The following UTRN variants were observed in gnomAD, a reference collection of about 807,000 sequenced individuals.
The protein encoded by UTRN is dystrophin-related protein 1.
UTRN carries 283 observed loss-of-function variants against 463.9 expected under a neutral mutation model. That is an observed-to-expected ratio of 0.61 (90% CI 0.55 to 0.67). UTRN has a LOEUF of 0.67. Ranked by LOEUF, UTRN falls within the 30% of genes least tolerant of loss-of-function variation. UTRN has a pLI of 0.00. For missense variants in UTRN, 3,922 were observed against 4,084.3 expected (o/e 0.96, Z 1.08); for synonymous variants, 1,442 against 1,431.5 (o/e 1.01, Z -0.17).
chr6:144,669,558 T>G (rs1249398185), intron 51 of UTRN, among the ~76,000 whole-genome samples: 1 of 152,186 alleles, frequency 6.6e-6, no homozygotes, highest in South Asian at 2.1e-4. Flanking sequence ...TAAGTCTTCT[T>G]AAGTTAGATA....
At position 144,720,516 on chromosome 6, in the gene UTRN, C is replaced by T. The variant is rs559993495; in HGVS notation, c.7810-9841C>T. ...AAGTGAATTCAGGCTCTTAGACATT[C>T]TGTTGAGAATGGAAACTGTGATTTT... On this transcript the variant is annotated intron_variant, in intron 53 of 74. Coordinates refer to ENST00000367545, the MANE Select transcript of UTRN (RefSeq NM_007124.3). Among the ~76,000 whole-genome samples, 5 of 152,312 alleles carry T rather than the reference C, an allele frequency of 3.3e-5. No homozygotes were observed. In the South Asian group the frequency reaches 8.3e-4, roughly 25 times the overall value.
At chr6:144,794,076 C>G (rs1462054816) in intron 63 of UTRN, 85 bp downstream of exon 63, 4 of 1,525,672 alleles carry the variant, frequency 2.6e-6, no homozygotes, top group Non-Finnish European at 3.5e-6. Flanking sequence ...GGAACTCGGG[C>G]TGGAGCCAAA....
intron 25 of UTRN, among the ~76,000 whole-genome samples, chr6:144,477,810 A>G (rs1791393274): frequency 6.6e-6 from 1 of 152,194 alleles, no homozygotes; most frequent in Non-Finnish European, 1.5e-5. Flanking sequence ...TTGAGGAAAT[A>G]GAAAATGGTT....
chr6:144,447,274 T>A lies in UTRN; in HGVS notation c.1678T>A (p.Phe560Ile). ...TTTAAATAAAGTCCAGACAAGCAACTTCAAAGACCAAAAGGAACTAAGTGT... is the reference window on the plus strand; with the variant it reads ...TTTAAATAAAGTCCAGACAAGCAACATCAAAGACCAAAAGGAACTAAGTGT... The part of the protein sequence containing the change: ...EALNKVQTSN[F>I]KDQKELSVSV... Residue 560 changes from phenylalanine (F) to isoleucine (I), a missense_variant, in exon 15 of 75, where the codon TTC becomes ATC. Transcript: ENST00000367545. The A allele has an allele frequency of 1.2e-6, 2 of 1,613,966 alleles. No homozygotes were observed. The highest frequency in any genetic ancestry group is 1.7e-6 in the Non-Finnish European group (2 of 1,179,894).
chr6:144,730,256 T>A, intron 53 of UTRN, 101 bp from the exon 54 acceptor site: 1 of 1,275,366 alleles, frequency 7.8e-7, no homozygotes, highest in Non-Finnish European at 1.0e-6. Flanking sequence ...CTATTAGTCA[T>A]TTTCTTGCTA....
At position 144,655,322 on chromosome 6, in the gene UTRN, G is replaced by C. The variant is rs530827842; in HGVS notation, c.7480-23084G>C. Among the ~76,000 whole-genome samples the C allele has an allele frequency of 2.0e-5, 3 of 152,322 alleles. No homozygotes were observed. The South Asian group carries it at 6.2e-4, about 32-fold the overall frequency. On this transcript the variant is annotated intron_variant, in intron 51 of 74. Coordinates refer to ENST00000367545, the MANE Select transcript of UTRN (RefSeq NM_007124.3). ...TGTATGGACTGGTCTCTCCCTAATG[G>C]AACTTCAGTGGTAGAAGACAATGAA... is the stretch of plus-strand genomic sequence containing the variant.
At chr6:144,796,722 G>GGCAAA (rs1171686775) in intron 63 of UTRN, among the ~76,000 whole-genome samples, 11 of 152,036 alleles carry the variant, frequency 7.2e-5, no homozygotes, top group Non-Finnish European at 1.6e-4. Context: ...CAGATATTTT[G>GGCAAA]GCAAAGCATA....
intron 15 of UTRN, 80 bp from the exon 16 acceptor site, chr6:144,447,522 A>G: frequency 2.7e-6 from 4 of 1,507,038 alleles, no homozygotes; most frequent in Non-Finnish European, 2.7e-6. Flanking sequence ...TAAAAGATAC[A>G]TGTTTAAAAT....
chr6:144,719,075 G>A (rs1349618843), intron 53 of UTRN, among the ~76,000 whole-genome samples: 1 of 152,202 alleles, frequency 6.6e-6, no homozygotes, highest in East Asian at 1.9e-4. Flanking sequence ...TCCTTCTACT[G>A]CAGAGTTGCT....
At position 144,444,356 on chromosome 6, in the gene UTRN, T is replaced by C; in HGVS notation, c.1588T>C (p.Leu530=). The C allele has an allele frequency of 1.2e-6, 2 of 1,609,792 alleles. No homozygotes were observed. The highest frequency in any genetic ancestry group is 1.7e-6 in the Non-Finnish European group (2 of 1,177,462). The change falls in exon 14 of 75, where the codon TTG becomes CTG. Residue 530 remains leucine, a synonymous_variant. Coordinates refer to ENST00000367545, the MANE Select transcript of UTRN (RefSeq NM_007124.3). ...GAATAGGTTACAAGAAATCAATATA[T>C]TGTGGCAGGAATTATTGGAAGAACA... ...RWNRLQEINI[L]WQELLEEQCL...
chr6:144,747,801 A>G (rs1272288627), intron 54 of UTRN, among the ~76,000 whole-genome samples: 1 of 152,196 alleles, frequency 6.6e-6, no homozygotes, highest in Non-Finnish European at 1.5e-5. Flanking sequence ...CAATACATTA[A>G]TCTTATTTTC....
chr6:144,333,727 T>C (rs1167542768), intron 2 of UTRN, among the ~76,000 whole-genome samples: 1 of 152,216 alleles, frequency 6.6e-6, no homozygotes, highest in Admixed American at 6.5e-5. Context: ...ATCAACAACA[T>C]GATGAAGCCA....
intron 51 of UTRN, among the ~76,000 whole-genome samples, chr6:144,639,501 A>G (rs1777542792): frequency 6.6e-6 from 1 of 152,282 alleles, no homozygotes; most frequent in East Asian, 1.9e-4. Flanking sequence ...TGCTCACTGG[A>G]CATACAAGTT....
intron 52 of UTRN, among the ~76,000 whole-genome samples, chr6:144,691,396 C>T (rs1164035096): frequency 2.6e-5 from 4 of 152,230 alleles, no homozygotes; most frequent in Non-Finnish European, 5.9e-5. Context: ...GGGTTACAGG[C>T]GTGAGCCACT....
intron 62 of UTRN, among the ~76,000 whole-genome samples, chr6:144,791,519 G>A (rs1023073642): frequency 1.3e-5 from 2 of 151,486 alleles, no homozygotes; most frequent in Admixed American, 1.3e-4. Flanking sequence ...GCTGCAATGA[G>A]CCATGGTCGG....
chr6:144,336,804 A>C (rs1240645771), intron 2 of UTRN, among the ~76,000 whole-genome samples: 1 of 152,066 alleles, frequency 6.6e-6, no homozygotes, highest in Non-Finnish European at 1.5e-5. Flanking sequence ...TGTTGCCTTA[A>C]ATGACAATTC....
intron 8 of UTRN, 113 bp from the exon 9 acceptor site, chr6:144,429,468 A>G: frequency 2.2e-6 from 2 of 895,450 alleles, no homozygotes; most frequent in Admixed American, 2.9e-5. Flanking sequence ...CAAAGATTAT[A>G]TATTAGGTAT....
At chr6:144,441,877 G>C (rs1787204581) in intron 13 of UTRN, among the ~76,000 whole-genome samples, 1 of 152,190 alleles carries the variant, frequency 6.6e-6, no homozygotes, top group Non-Finnish European at 1.5e-5. Context: ...AAGCTGCCAA[G>C]GCTTGTGGCT....
At chr6:144,410,411 T>G (rs28402811) in intron 3 of UTRN, among the ~76,000 whole-genome samples, 16,264 of 152,108 alleles carry the variant, frequency 0.11, 2,309 homozygotes, top group African/African-American at 0.32. Flanking sequence ...TTTTATTTAT[T>G]TATTTATGTT....
Sources: gnomAD v4.1 joint callset for allele counts (sites outside exome capture counted in the v4.1 genomes callset) on GRCh38, gnomAD v4.1.1 for gene constraint, MANE v1.5 for transcripts, NCBI Gene and HGNC (gene_info 2026-07-23, HGNC 2026-07-21) for gene names.